The following DST variants were observed in gnomAD, a reference collection of about 807,000 sequenced individuals.
DST encodes the protein dystonin.
In DST, 253 loss-of-function variants were observed where a neutral mutation model predicts 875.2. The observed-to-expected ratio is 0.29, with a 90% CI of 0.26 to 0.32. The LOEUF is 0.32. Among genes scored for constraint, DST ranks in the 10% least tolerant of loss-of-function variants. The pLI, the probability that DST is intolerant of heterozygous loss-of-function variation, is 1.00. For synonymous variants in DST, 3,124 were observed against 3,197.1 expected, an observed-to-expected ratio of 0.98 and a Z score of 0.77; for missense variants, 8,287 against 9,111.6, an observed-to-expected ratio of 0.91 and a Z score of 3.68.
chr6:56,824,342 G>A (rs1344553350), intron 4 of DST, among the ~76,000 whole-genome samples: 2 of 152,210 alleles, frequency 1.3e-5, no homozygotes, highest in Admixed American at 1.3e-4. Context: ...ATGCAGTGGC[G>A]TGATCTCGGC....
chr6:56,495,138 C>A (rs985497886), intron 82 of DST, among the ~76,000 whole-genome samples: 1 of 151,756 alleles, frequency 6.6e-6, no homozygotes, highest in Non-Finnish European at 1.5e-5. Flanking sequence ...AATATATTTA[C>A]AATATCATCT....
At chr6:56,463,864 C>G in intron 100 of DST, 100 bp from the exon 101 acceptor site, 2 of 1,221,770 alleles carry the variant, frequency 1.6e-6, no homozygotes, top group South Asian at 1.2e-5. Context: ...CCAGAGATCA[C>G]GTTGAGAATT....
At chr6:56,696,818 C>T (rs2099266779) in intron 9 of DST, among the ~76,000 whole-genome samples, 1 of 152,108 alleles carries the variant, frequency 6.6e-6, no homozygotes, top group Non-Finnish European at 1.5e-5. Context: ...TTACTTCATC[C>T]ATCTCTCCAA....
At position 56,603,824 on chromosome 6, in the gene DST, T is replaced by A; in HGVS notation, c.10791+13A>T. ...TGCAGCTTTTTCTGTATAAAATGTA[T>A]AGGTCAACTTACTTGTTCGGTTGAG... On this transcript the variant is annotated intron_variant, in intron 40 of 103. Coordinates refer to ENST00000680361, the MANE Select transcript of DST (RefSeq NM_001374736.1). The A allele has an allele frequency of 6.2e-7, 1 of 1,602,448 alleles. No individual in the cohort carries two copies. The highest frequency in any genetic ancestry group is 1.3e-5 in the African/African-American group (1 of 74,216).
At chr6:56,563,619 T>C (rs1158732902) in intron 55 of DST, among the ~76,000 whole-genome samples, 1 of 152,234 alleles carries the variant, frequency 6.6e-6, no homozygotes, top group African/African-American at 2.4e-5. Context: ...TTTGTTGCCA[T>C]TGCTTTTGGT....
In DST at chr6:56,628,113, G is replaced by T; in HGVS notation, c.4524C>A (p.Asp1508Glu). ...TCCAATCATCTAAAGGATGGTAAGT[G>T]TCTCTGTAGTACTTCAGTGATTTGC... ...GIGKSLKYYRDTYHPLDDWIQ... is the reference protein window; with the variant it reads ...GIGKSLKYYRETYHPLDDWIQ... Residue 1508 changes from aspartate (D) to glutamate (E), a missense_variant, in exon 33 of 104, where the codon GAC (aspartate) becomes GAA (glutamate). This residue lies in a region of DST where 3,138 missense variants were observed against 3,116.6 expected (regional missense o/e 1.01). Transcript: ENST00000680361. 6 of 1,613,640 alleles carry T rather than the reference G, an allele frequency of 3.7e-6. No individual in the cohort carries two copies. The highest frequency in any genetic ancestry group is 3.4e-6 in the Non-Finnish European group (4 of 1,179,546).
At chr6:56,546,150 C>G (rs1037591279) in intron 61 of DST, among the ~76,000 whole-genome samples, 2 of 151,440 alleles carry the variant, frequency 1.3e-5, no homozygotes, top group Admixed American at 1.3e-4. Context: ...CTGATCTTGA[C>G]AGGAGTTTAT....
At chr6:56,686,615 C>G (rs1196189012) in intron 9 of DST, among the ~76,000 whole-genome samples, 1 of 152,050 alleles carries the variant, frequency 6.6e-6, no homozygotes, top group East Asian at 1.9e-4. Context: ...CACTGTATGA[C>G]ACATAATAGA....
intron 55 of DST, 77 bp downstream of exon 55, chr6:56,568,392 A>T (rs2097719209): frequency 6.8e-7 from 1 of 1,480,380 alleles, no homozygotes; most frequent in East Asian, 2.3e-5. Flanking sequence ...GCATTAATTT[A>T]AAAAATAACA....
intron 10 of DST, among the ~76,000 whole-genome samples, chr6:56,662,815 G>A (rs2099051869): frequency 6.6e-6 from 1 of 151,962 alleles, no homozygotes; most frequent in African/African-American, 2.4e-5. Flanking sequence ...GGGGGCGGGG[G>A]GGTCATGCCT....
intron 102 of DST, 58 bp from the exon 103 acceptor site, chr6:56,460,312 A>T: frequency 6.3e-7 from 1 of 1,588,118 alleles, no homozygotes; most frequent in Non-Finnish European, 8.6e-7. Flanking sequence ...ATGATATTCC[A>T]CTGACACCAC....
At position 56,954,609 on chromosome 6, in the gene DST, A is replaced by C. The variant is rs751748908; in HGVS notation, c.-22T>G. 3.8e-6 allele frequency: 5 copies of C among 1,314,876 alleles called. No individual in the cohort carries two copies. In the South Asian group the frequency reaches 4.9e-5, roughly 13 times the overall value. The allele number at this position is 1,314,876 out of a possible 1,614,324, so 81.5% of individuals were successfully genotyped here. The stretch of plus-strand genomic sequence containing the variant: ...TCATGGTGCGGGCGAGGCGAGGGCG[A>C]CTCGACGGCGGGGCTGGAGGGCGGC... On this transcript the variant is annotated 5_prime_UTR_variant, in exon 1 of 104. Transcript: ENST00000680361.
intron 5 of DST, among the ~76,000 whole-genome samples, chr6:56,707,185 T>C (rs1418645925): frequency 6.6e-6 from 1 of 152,056 alleles, no homozygotes; most frequent in Non-Finnish European, 1.5e-5. Flanking sequence ...GGCCTGGGGG[T>C]TGGGGACTCT....
In DST at chr6:56,596,600, A is replaced by G. The variant is rs2098390588; in HGVS notation, c.12195+1140T>C. On this transcript the variant is annotated intron_variant, in intron 47 of 103. Coordinates refer to ENST00000680361, the MANE Select transcript of DST (RefSeq NM_001374736.1). ...TAAGGTCCTATAATAGCCCGTTAAA[A>G]TTGTGAGCAGTAAATACTCCCATTC... Among the ~76,000 whole-genome samples, 3 of 152,204 alleles carry G rather than the reference A, an allele frequency of 2.0e-5. No individual in the cohort carries two copies. The South Asian group carries it at 6.2e-4, about 31-fold the overall frequency.
intron 32 of DST, 68 bp from the exon 33 acceptor site, chr6:56,628,229 G>A (rs979683309): frequency 1.4e-6 from 2 of 1,381,726 alleles, no homozygotes; most frequent in Admixed American, 1.7e-5. Context: ...AAGATGTAGA[G>A]ATGGGAGAGA....
intron 101 of DST, 57 bp from the exon 102 acceptor site, chr6:56,463,213 C>T (rs2094424563): frequency 9.7e-7 from 1 of 1,025,876 alleles, no homozygotes; most frequent in Non-Finnish European, 1.5e-6. Flanking sequence ...AAAACAAAGC[C>T]ACAGAAAGAG....
chr6:56,565,331 C>A (rs183762337), intron 55 of DST, among the ~76,000 whole-genome samples: 2 of 151,926 alleles, frequency 1.3e-5, no homozygotes, highest in African/African-American at 4.8e-5. Context: ...GTGTTAACCA[C>A]GATGGTCTCA....
intron 4 of DST, among the ~76,000 whole-genome samples, chr6:56,751,151 T>C (rs1194952841): frequency 2.0e-5 from 3 of 152,214 alleles, no homozygotes; most frequent in Admixed American, 6.5e-5. Flanking sequence ...ATGCAAGTCA[T>C]GCCTGTTAAT....
chr6:56,486,106 G>A (rs1160488244), intron 87 of DST, among the ~76,000 whole-genome samples: 2 of 152,184 alleles, frequency 1.3e-5, no homozygotes, highest in East Asian at 1.9e-4. Flanking sequence ...GCTCACGCCT[G>A]TAATCCCAGC....
Sources: allele counts gnomAD v4.1 joint callset (sites outside exome capture counted in the v4.1 genomes callset), GRCh38; gene constraint gnomAD v4.1.1; regional missense constraint gnomAD v4.1.1; transcripts MANE v1.5; gene names NCBI Gene and HGNC (gene_info 2026-07-23, HGNC 2026-07-21).